The following MTMR8 variants were observed in gnomAD, a reference collection of about 807,000 sequenced individuals.
The protein encoded by MTMR8 is myotubularin related protein 8, also known as phosphatidylinositol-3,5-bisphosphate 3-phosphatase MTMR8.
MTMR8 carries 65 observed loss-of-function variants against 39.3 expected under a neutral mutation model. The observed-to-expected ratio is 1.65, with a 90% CI of 1.35 to 2.03. MTMR8 has a LOEUF of 2.03. MTMR8 is among the 30% of genes most tolerant of loss of function. The probability of loss-of-function intolerance (pLI) is 0.00; values close to 1 mark genes in which losing one functional copy is unlikely to be tolerated. For missense variants in MTMR8, 777 were observed against 538.9 expected, an observed-to-expected ratio of 1.44 and a Z score of -4.37; for synonymous variants, 245 against 185.2, an observed-to-expected ratio of 1.32 and a Z score of -2.62.
chrX:64,379,714 T>C (rs1924360680), intron 1 of MTMR8, among the ~76,000 whole-genome samples: 1 of 111,438 alleles, frequency 9.0e-6, no homozygotes, highest in Non-Finnish European at 1.9e-5. Context: ...AGTCCCCATC[T>C]CAAAAAAAGT....
In MTMR8 at chrX:64,281,315, AG is replaced by A. The variant is rs1328877238; in HGVS notation, c.1482-10243del. On this transcript the variant is annotated intron_variant, in intron 12 of 13. Transcript: ENST00000374852. ...TTCACACTATACTACAAGGCTATAT[AG>A]TAACCAAAACAGCATGGTATTGGTC... is the stretch of plus-strand genomic sequence containing the variant. Among the ~76,000 whole-genome samples, 4 of 112,101 alleles carry A rather than the reference AG, an allele frequency of 3.6e-5. No individual in the cohort carries two copies. The Admixed American group carries it at 3.8e-4, about 11-fold the overall frequency.
intron 12 of MTMR8, among the ~76,000 whole-genome samples, chrX:64,288,624 T>G (rs1921286277): frequency 8.9e-6 from 1 of 111,922 alleles, no homozygotes; most frequent in Non-Finnish European, 1.9e-5. Context: ...AACCCAAATG[T>G]CCAACAATGA....
At chrX:64,369,983 T>G (rs1924085494) in intron 1 of MTMR8, among the ~76,000 whole-genome samples, 1 of 111,406 alleles carries the variant, frequency 9.0e-6, no homozygotes, top group Non-Finnish European at 1.9e-5. Flanking sequence ...ACTATCATGT[T>G]TTGAAAGATG....
intron 12 of MTMR8, among the ~76,000 whole-genome samples, chrX:64,319,565 T>G (rs1397400875): frequency 1.8e-5 from 2 of 112,224 alleles, no homozygotes; most frequent in Admixed American, 9.4e-5. Context: ...TAATCCATTT[T>G]GAATTAATTT....
chrX:64,272,642 G>C (rs1050900911), intron 12 of MTMR8, among the ~76,000 whole-genome samples: 1 of 111,348 alleles, frequency 9.0e-6, no homozygotes, highest in African/African-American at 3.3e-5. Flanking sequence ...CCCTAAATCT[G>C]AGGAAGGAAA....
chrX:64,362,794 A>G (rs1223422590), intron 1 of MTMR8, among the ~76,000 whole-genome samples: 1 of 109,881 alleles, frequency 9.1e-6, no homozygotes, highest in African/African-American at 3.4e-5. Context: ...AGACTTTTTA[A>G]AAATTAATAA....
intron 12 of MTMR8, among the ~76,000 whole-genome samples, chrX:64,317,111 CAAAAA>C (rs1203927676): frequency 2.2e-5 from 1 of 46,111 alleles, no homozygotes; most frequent in Non-Finnish European, 4.7e-5. Flanking sequence ...GACTGTGTCT[CAAAAA>C]AAAAAAAAAA....
At position 64,328,917 on chromosome X, in the gene MTMR8, A is replaced by G. The variant is rs756006504; in HGVS notation, c.1353-17T>C. The G allele has an allele frequency of 8.5e-7, 1 of 1,181,966 alleles. No individual in the cohort carries two copies. Among genetic ancestry groups the G allele is most frequent in the Non-Finnish European group, 1.1e-6 (1 of 885,806 alleles). ...TCATAGACTCTGTTAGAAAAGAAAA[A>G]CAAGCCAAAAAATTAAAAGCAGGAA... On this transcript the variant is annotated splice_polypyrimidine_tract_variant and intron_variant, in intron 11 of 13. Transcript: ENST00000374852.
intron 1 of MTMR8, among the ~76,000 whole-genome samples, chrX:64,389,955 G>A (rs1448061594): frequency 2.7e-5 from 3 of 111,821 alleles, no homozygotes; most frequent in Non-Finnish European, 5.6e-5. Flanking sequence ...AAGCCAACTG[G>A]AGTTGCAATT....
intron 12 of MTMR8, among the ~76,000 whole-genome samples, chrX:64,278,837 G>T: frequency 9.0e-6 from 1 of 111,246 alleles, no homozygotes; most frequent in Non-Finnish European, 1.9e-5. Context: ...TCTGTTGCAG[G>T]TGTGCTGGAG....
Position 64,268,416 on chromosome X carries a change from G to A in MTMR8, c.*121C>T. On this transcript the variant is annotated 3_prime_UTR_variant, in exon 14 of 14. Transcript: ENST00000374852. ...AGTAATTCCCTTCCAGACTTAAGTG[G>A]GGAGAGGGGTGCCCTGGCTTCACCC... 1 of 836,757 alleles carries A rather than the reference G, an allele frequency of 1.2e-6. No individual in the cohort carries two copies. Among genetic ancestry groups the A allele is most frequent in the Admixed American group, 3.4e-5 (1 of 29,510 alleles). 69.0% of individuals were successfully genotyped at this position (836,757 alleles called of 1,213,427 possible). A position where few individuals can be genotyped will look rare whatever the true frequency, so the allele number is the denominator to read the frequency against.
intron 12 of MTMR8, among the ~76,000 whole-genome samples, chrX:64,307,036 C>A (rs72623456): frequency 1.8e-5 from 2 of 111,905 alleles, no homozygotes; most frequent in South Asian, 3.7e-4. Context: ...CTCTGCACAC[C>A]TTTTCATGTG....
intron 1 of MTMR8, among the ~76,000 whole-genome samples, chrX:64,369,625 G>A (rs900719956): frequency 1.8e-5 from 2 of 110,580 alleles, no homozygotes; most frequent in Admixed American, 9.7e-5. Context: ...GGAGGAGGGG[G>A]CAGGGGAAGC....
chrX:64,307,959 AT>A (rs1317425837), intron 12 of MTMR8, among the ~76,000 whole-genome samples: 2 of 111,822 alleles, frequency 1.8e-5, no homozygotes, highest in African/African-American at 6.5e-5. Context: ...TGAATGATAT[AT>A]TTTTTATTTC....
Position 64,328,899 on chromosome X carries a change from C to A in MTMR8, c.1354G>T (p.Val452Phe), listed in dbSNP as rs750238425. ...NCQKDREDLR[V>F]YEKTHSVWPF... ...CACACAGAATGTGTTTTCTCATAGACTCTGTTAGAAAAGAAAAACAAGCCA... is the reference window on the plus strand; with the variant it reads ...CACACAGAATGTGTTTTCTCATAGAATCTGTTAGAAAAGAAAAACAAGCCA... The change falls in exon 12 of 14, where the codon GTC becomes TTC. Residue 452 changes from valine to phenylalanine, a missense_variant and splice_region_variant. Physicochemically the swap from Val to Phe is conservative, Grantham distance 50. Coordinates refer to ENST00000374852, the MANE Select transcript of MTMR8 (RefSeq NM_017677.4). 1 of 1,188,231 alleles carries A rather than the reference C, an allele frequency of 8.4e-7. No individual in the cohort carries two copies. The highest frequency in any genetic ancestry group is 1.1e-6 in the Non-Finnish European group (1 of 888,527).
intron 3 of MTMR8, among the ~76,000 whole-genome samples, chrX:64,355,369 T>A (rs1238748664): frequency 8.9e-6 from 1 of 111,790 alleles, no homozygotes; most frequent in East Asian, 2.8e-4. Context: ...CAGCAACTTC[T>A]GACTTATAAA....
chrX:64,298,617 T>G lies in MTMR8; in HGVS notation c.1482-27544A>C, dbSNP rs750528879. 7.4e-5 allele frequency among the ~76,000 whole-genome samples: 7 copies of G among 94,949 alleles called. No homozygotes were observed. In the South Asian group the frequency reaches 2.9e-3, roughly 39 times the overall value. 82.5% of individuals were successfully genotyped at this position (94,949 alleles called of 115,157 possible). A position where few individuals can be genotyped will look rare whatever the true frequency, so the allele number is the denominator to read the frequency against. On this transcript the variant is annotated intron_variant, in intron 12 of 13. Transcript: ENST00000374852. Reference sequence around the variant, plus strand: ...CTGGCCAGAACTTCCAACACTATGTTGAATAGGAGTGGTGAGAGAGGGCAT... The same window carrying G: ...CTGGCCAGAACTTCCAACACTATGTGGAATAGGAGTGGTGAGAGAGGGCAT...
chrX:64,350,901 G>T (rs966793708), intron 4 of MTMR8, among the ~76,000 whole-genome samples: 5 of 111,061 alleles, frequency 4.5e-5, no homozygotes. Context: ...CCTAACTAAA[G>T]AACACCCCCA....
At chrX:64,301,882 GT>G (rs1186597341) in intron 12 of MTMR8, among the ~76,000 whole-genome samples, 3 of 111,854 alleles carry the variant, frequency 2.7e-5, no homozygotes, top group Non-Finnish European at 5.6e-5. Context: ...CTGCTTGGGG[GT>G]CAGGGGTCAG....
Sources: allele counts gnomAD v4.1 joint callset (sites outside exome capture counted in the v4.1 genomes callset), GRCh38; gene constraint gnomAD v4.1.1; transcripts MANE v1.5; gene names NCBI Gene and HGNC (gene_info 2026-07-23, HGNC 2026-07-21).